Variants in UGGT2 observed in about 807,000 individuals in gnomAD.
UGGT2 encodes the protein UDP-glucose glycoprotein glucosyltransferase 2.
A neutral mutation model predicts 192.1 loss-of-function variants in UGGT2; 180 were observed. The ratio of observed to expected loss-of-function variants is 0.94; its 90% CI spans 0.83 to 1.06. The LOEUF (loss-of-function observed/expected upper bound fraction) is 1.06, where lower values mean the gene tolerates loss of function less well. Among genes scored for constraint, UGGT2 ranks in the 50% least tolerant of loss-of-function variants. The pLI, the probability that UGGT2 is intolerant of heterozygous loss-of-function variation, is 0.00. For missense variants in UGGT2, 1,849 were observed against 1,795.7 expected, an observed-to-expected ratio of 1.03 and a Z score of -0.54; for synonymous variants, 580 against 591.0, an observed-to-expected ratio of 0.98 and a Z score of 0.27.
chr13:96,022,972 A>G, intron 4 of UGGT2, 68 bp downstream of exon 4: 4 of 1,140,842 alleles, frequency 3.5e-6, no homozygotes, highest in Non-Finnish European at 4.7e-6. Context: ...TTTTATTATA[A>G]GAAGTTTCTG....
chr13:95,870,033 G>C (rs1010102920), intron 29 of UGGT2, among the ~76,000 whole-genome samples: 2 of 152,156 alleles, frequency 1.3e-5, no homozygotes, highest in Non-Finnish European at 2.9e-5. Flanking sequence ...TAACTGGTAA[G>C]AAACAATGAT....
intron 20 of UGGT2, among the ~76,000 whole-genome samples, chr13:95,918,372 C>A (rs2048743435): frequency 6.6e-6 from 1 of 152,076 alleles, no homozygotes; most frequent in African/African-American, 2.4e-5. Flanking sequence ...CTGGATGCAA[C>A]TAAAGCAGTG....
chr13:96,029,145 C>T (rs1040240290), intron 2 of UGGT2, among the ~76,000 whole-genome samples: 1 of 151,780 alleles, frequency 6.6e-6, no homozygotes, highest in Non-Finnish European at 1.5e-5. Flanking sequence ...AGTGAGACAC[C>T]GTCTCAAAAA....
chr13:95,828,127 C>G (rs758998926), intron 38 of UGGT2, among the ~76,000 whole-genome samples: 5 of 151,874 alleles, frequency 3.3e-5, no homozygotes, highest in African/African-American at 4.8e-5. Context: ...TCTCTCTCTG[C>G]TGCAACCTGG....
chr13:96,049,195 A>G (rs1250461529), intron 1 of UGGT2, among the ~76,000 whole-genome samples: 1 of 152,208 alleles, frequency 6.6e-6, no homozygotes, highest in African/African-American at 2.4e-5. Flanking sequence ...ATCAATAAAC[A>G]TAATTCATCA....
chr13:95,917,947 T>C (rs2048730651), intron 20 of UGGT2, among the ~76,000 whole-genome samples: 1 of 152,142 alleles, frequency 6.6e-6, no homozygotes, highest in African/African-American at 2.4e-5. Flanking sequence ...TGAGAGACCT[T>C]AACACCCCAT....
chr13:95,840,601 T>G (rs533408276), intron 36 of UGGT2, among the ~76,000 whole-genome samples: 6 of 152,226 alleles, frequency 3.9e-5, no homozygotes, highest in Middle Eastern at 3.4e-3. Context: ...ACACTGCTGG[T>G]GGGAGTGTAC....
chr13:96,027,727 C>G (rs1009386336), intron 2 of UGGT2, among the ~76,000 whole-genome samples: 1 of 152,130 alleles, frequency 6.6e-6, no homozygotes, highest in Non-Finnish European at 1.5e-5. Flanking sequence ...ACAAGAAACT[C>G]AGAAATTAGA....
intron 20 of UGGT2, among the ~76,000 whole-genome samples, chr13:95,909,202 G>T (rs2048393528): frequency 6.6e-6 from 1 of 152,016 alleles, no homozygotes; most frequent in Non-Finnish European, 1.5e-5. Context: ...TATTAAATAG[G>T]GAATCCTTTC....
chr13:95,894,485 A>G, intron 24 of UGGT2, 77 bp downstream of exon 24: 1 of 1,188,122 alleles, frequency 8.4e-7, no homozygotes, highest in Non-Finnish European at 1.2e-6. Context: ...CTTAAATTTT[A>G]CCATGTTATG....
chr13:95,922,071 T>A (rs1171890851), intron 20 of UGGT2, among the ~76,000 whole-genome samples: 1 of 152,224 alleles, frequency 6.6e-6, no homozygotes, highest in East Asian at 1.9e-4. Context: ...GTGACTCATA[T>A]ACACCATGGA....
At chr13:95,934,957 A>T (rs1165248395) in intron 17 of UGGT2, among the ~76,000 whole-genome samples, 6 of 152,200 alleles carry the variant, frequency 3.9e-5, no homozygotes, top group Admixed American at 1.3e-4. Context: ...GTGTTGGTGC[A>T]TATATATTTG....
In UGGT2 at chr13:95,930,591, TCTC is replaced by T. The variant is rs527901728; in HGVS notation, c.1978-3258_1978-3256del. On this transcript the variant is annotated intron_variant, in intron 17 of 38. Transcript: ENST00000376747. The stretch of plus-strand genomic sequence containing the variant: ...TAGGTGTGTGGCTTTATTTCTGGGT[TCTC>T]TACTCTGTTCCATTAGTCTATGTGT... 1.7e-3 allele frequency among the ~76,000 whole-genome samples: 264 copies of T among 152,260 alleles called. 2 individuals are homozygous for T. Among genetic ancestry groups the T allele is most frequent in the African/African-American group, 6.2e-3 (258 of 41,538 alleles).
chr13:95,982,118 G>A (rs2051144992), intron 10 of UGGT2, among the ~76,000 whole-genome samples: 1 of 152,176 alleles, frequency 6.6e-6, no homozygotes, highest in Non-Finnish European at 1.5e-5. Flanking sequence ...ATAAGGTGAT[G>A]GCCATAGTGG....
At chr13:96,036,518 A>T (rs1426401174) in intron 1 of UGGT2, among the ~76,000 whole-genome samples, 2 of 152,172 alleles carry the variant, frequency 1.3e-5, no homozygotes, top group South Asian at 2.1e-4. Context: ...TACCTATGTA[A>T]CAAACCTGCA....
chr13:96,020,224 C>T (rs770568464), intron 4 of UGGT2, among the ~76,000 whole-genome samples: 11 of 152,164 alleles, frequency 7.2e-5, no homozygotes, highest in South Asian at 2.1e-4. Flanking sequence ...GTCACAAGGC[C>T]TCCATGGGTC....
At chr13:95,898,567 G>C (rs773421574) in intron 22 of UGGT2, among the ~76,000 whole-genome samples, 1 of 152,100 alleles carries the variant, frequency 6.6e-6, no homozygotes, top group Non-Finnish European at 1.5e-5. Flanking sequence ...GCTATGGTTT[G>C]AATGTCTTTG....
chr13:95,810,807 A>G (rs924254451), intron 38 of UGGT2, among the ~76,000 whole-genome samples: 2 of 152,248 alleles, frequency 1.3e-5, no homozygotes, highest in African/African-American at 4.8e-5. Context: ...AGAGGACATC[A>G]TCAAGAAAAT....
At chr13:95,811,870 A>T (rs889451945) in intron 38 of UGGT2, among the ~76,000 whole-genome samples, 2 of 152,022 alleles carry the variant, frequency 1.3e-5, no homozygotes, top group African/African-American at 4.8e-5. Context: ...TAAAGGGAGT[A>T]TGGCTAATAA....
Sources: gnomAD v4.1 joint callset for allele counts (sites outside exome capture counted in the v4.1 genomes callset) on GRCh38, gnomAD v4.1.1 for gene constraint, MANE v1.5 for transcripts, NCBI Gene and HGNC (gene_info 2026-07-23, HGNC 2026-07-21) for gene names.